The following ZNF518B variants were observed in gnomAD, a reference collection of about 807,000 sequenced individuals.
ZNF518B encodes the protein zinc finger protein 518B.
A neutral mutation model predicts 56.3 loss-of-function variants in ZNF518B; 23 were observed. The observed-to-expected ratio is 0.41, with a 90% CI of 0.29 to 0.58. ZNF518B has a LOEUF of 0.58. Ranked by LOEUF, ZNF518B falls within the 20% of genes least tolerant of loss-of-function variation. ZNF518B has a pLI of 0.32. For synonymous variants in ZNF518B, 529 were observed against 465.9 expected (o/e 1.14, Z -1.74); for missense variants, 1,460 against 1,272.1 (o/e 1.15, Z -2.25).
Position 10,440,454 on chromosome 4 carries a change from C to T in ZNF518B, c.*2650G>A, listed in dbSNP as rs1209169807. The T allele has an allele frequency of 1.3e-5, 2 of 152,472 alleles. No homozygotes were observed. The highest frequency in any genetic ancestry group is 4.8e-5 in the African/African-American group (2 of 41,396). 9.4% of individuals were successfully genotyped at this position (152,472 alleles called of 1,614,324 possible). A position where few individuals can be genotyped will look rare whatever the true frequency, so the allele number is the denominator to read the frequency against. The stretch of plus-strand genomic sequence containing the variant: ...ATTGGAGGTCCTTCAAAATTAAGAA[C>T]CCACACAAATACTCAACACAGGTCT... On this transcript the variant is annotated 3_prime_UTR_variant, in exon 3 of 3. Coordinates refer to ENST00000326756, the MANE Select transcript of ZNF518B (RefSeq NM_053042.3).
Position 10,444,139 on chromosome 4 carries a change from A to G in ZNF518B, c.2190T>C (p.Asp730=). The part of the protein sequence containing the change: ...STGTLQKPPN[D]GGITGNRQLT... ...GCTGTCTATTACCAGTAATACCACCATCATTCGGAGGTTTCTGAAGAGTAC... is the reference window on the plus strand; with the variant it reads ...GCTGTCTATTACCAGTAATACCACCGTCATTCGGAGGTTTCTGAAGAGTAC... The change falls in exon 3 of 3, where the codon GAT becomes GAC. Residue 730 remains aspartate, a synonymous_variant. Coordinates refer to ENST00000326756, the MANE Select transcript of ZNF518B (RefSeq NM_053042.3). The G allele has an allele frequency of 1.2e-6, 2 of 1,614,232 alleles. No homozygotes were observed. The highest frequency in any genetic ancestry group is 1.7e-6 in the Non-Finnish European group (2 of 1,180,050).
upstream of ZNF518B, among the ~76,000 whole-genome samples, chr4:10,458,429 G>A (rs1715637640): frequency 6.6e-6 from 1 of 152,228 alleles, no homozygotes; most frequent in African/African-American, 2.4e-5. Context: ...TATGCTGCAC[G>A]GAGGAGATGT....
chr4:10,444,879 G>A lies in ZNF518B; in HGVS notation c.1450C>T (p.His484Tyr). The A allele has an allele frequency of 6.2e-7, 1 of 1,613,498 alleles. No individual in the cohort carries two copies. Among genetic ancestry groups the A allele is most frequent in the South Asian group, 1.1e-5 (1 of 90,990 alleles). ...TTTTTAAATACAGATGCTAGAGAAT[G>A]ACCTTTTAAGGCAACGGAAGGAAAA... ...TAFPSVALKG[H>Y]SLASVFKNSV... The change falls in exon 3 of 3, where the codon CAT becomes TAT. Residue 484 changes from histidine (H) to tyrosine (Y), a missense_variant. Coordinates refer to ENST00000326756, the MANE Select transcript of ZNF518B (RefSeq NM_053042.3).
chr4:10,444,026 G>A lies in ZNF518B; in HGVS notation c.2303C>T (p.Thr768Met), dbSNP rs770340215. Residue 768 changes from threonine (T) to methionine (M), a missense_variant, in exon 3 of 3, where the codon ACG becomes ATG. Coordinates refer to ENST00000326756, the MANE Select transcript of ZNF518B (RefSeq NM_053042.3). ...SRVARKAHVA[T>M]PVLIPKGAVL... ...AGCCCCTTTGGGGATTAACACTGGCGTGGCAACATGAGCCTTCCTGGCCAC... is the reference window on the plus strand; with the variant it reads ...AGCCCCTTTGGGGATTAACACTGGCATGGCAACATGAGCCTTCCTGGCCAC... The A allele has an allele frequency of 3.1e-5, 50 of 1,614,044 alleles. No homozygotes were observed. The highest frequency in any genetic ancestry group is 3.9e-5 in the Non-Finnish European group (46 of 1,180,042).
Position 10,445,710 on chromosome 4 carries a change from T to A in ZNF518B, c.619A>T (p.Lys207Ter), listed in dbSNP as rs1195544112. The A allele has an allele frequency of 6.2e-7, 1 of 1,614,184 alleles. No homozygotes were observed. Among genetic ancestry groups the A allele is most frequent in the South Asian group, 1.1e-5 (1 of 91,080 alleles). The change falls in exon 3 of 3, where the codon AAA becomes TAA. Residue 207 changes from lysine to a stop codon, truncating the protein, a stop_gained. Coordinates refer to ENST00000326756, the MANE Select transcript of ZNF518B (RefSeq NM_053042.3). LOFTEE classifies it high-confidence loss of function. The stretch of plus-strand genomic sequence containing the variant: ...CTTTCATGTACTCTCTTCGTGTGTT[T>A]GACAATATAATCATTTCTAATAGCA... ...YGAIRNDYIVKHTKRVHERAG... is the reference protein window; with the variant it reads ...YGAIRNDYIV
At chr4:10,459,424 C>T (rs1560177900), upstream of ZNF518B, among the ~76,000 whole-genome samples, 1 of 152,210 alleles carries the variant, frequency 6.6e-6, no homozygotes, top group Middle Eastern at 3.2e-3. Flanking sequence ...TCTCCACCCC[C>T]CAGCTTAGTT....
intron 2 of ZNF518B, chr4:10,452,890 T>C (rs1715380347): frequency 6.6e-6 from 1 of 152,216 alleles, no homozygotes; most frequent in African/African-American, 2.4e-5. Flanking sequence ...ATGCTTGGGA[T>C]CCTAGATTTC....
upstream of ZNF518B, among the ~76,000 whole-genome samples, chr4:10,460,881 A>G (rs79526919): frequency 0.018 from 2,776 of 152,358 alleles, 51 homozygotes; most frequent in East Asian, 0.084. Context: ...TGTCAATCTC[A>G]GACACTTCAA....
chr4:10,448,575 A>T (rs1304899703), intron 2 of ZNF518B, among the ~76,000 whole-genome samples: 1 of 152,090 alleles, frequency 6.6e-6, no homozygotes, highest in Non-Finnish European at 1.5e-5. Context: ...GCATGAAATC[A>T]AGCCCTCAGT....
chr4:10,455,430 C>T (rs2108997821), intron 1 of ZNF518B, among the ~76,000 whole-genome samples: 1 of 152,160 alleles, frequency 6.6e-6, no homozygotes, highest in South Asian at 2.1e-4. Flanking sequence ...TGATCAATAG[C>T]GAAGGGTTTG....
rs1270624529 is a variant in ZNF518B at position 10,445,273 on chromosome 4, A to G, written c.1056T>C (p.Val352=). ...GAACAAGCTGCTGTGTACCATTGAC[A>G]ACCTTCACATCTATCAACTGGGCTA... ...NCLAQLIDVK[V]VNGTQQLVLK... Residue 352 remains valine (V), a synonymous_variant, in exon 3 of 3, where the codon GTT becomes GTC. Coordinates refer to ENST00000326756, the MANE Select transcript of ZNF518B (RefSeq NM_053042.3). 1 of 1,614,084 alleles carries G rather than the reference A, an allele frequency of 6.2e-7. No individual in the cohort carries two copies. The highest frequency in any genetic ancestry group is 1.3e-5 in the African/African-American group (1 of 75,056).
At chr4:10,449,041 C>G (rs905394177) in intron 2 of ZNF518B, among the ~76,000 whole-genome samples, 2 of 152,184 alleles carry the variant, frequency 1.3e-5, no homozygotes, top group Non-Finnish European at 2.9e-5. Flanking sequence ...ACTTTATCAT[C>G]TAAAGAATGC....
At position 10,445,950 on chromosome 4, in the gene ZNF518B, C is replaced by T; in HGVS notation, c.379G>A (p.Val127Ile). The T allele has an allele frequency of 6.2e-7, 1 of 1,614,164 alleles. No homozygotes were observed. The highest frequency in any genetic ancestry group is 8.5e-7 in the Non-Finnish European group (1 of 1,180,036). The change falls in exon 3 of 3, where the codon GTA becomes ATA. Residue 127 changes from valine to isoleucine, a missense_variant. Val to Ile is a conservative substitution (Grantham distance 29, BLOSUM62 3). Transcript: ENST00000326756. ...TATTTGCCTGGCTTAAAGTTCCTTA[C>T]CTTAAATTTGCTATTGACAGAACTT... is the stretch of plus-strand genomic sequence containing the variant. ...FSSSVNSKFKVRNFKPGKYYC... is the reference protein window; with the variant it reads ...FSSSVNSKFKIRNFKPGKYYC...
In ZNF518B at chr4:10,442,878, T is replaced by C. The variant is rs1275075503; in HGVS notation, c.*226A>G. ...GTTTCACAGGCTCTCTCCAGAAAAA[T>C]GCATATGTACCAATTTGCATGTACA... On this transcript the variant is annotated 3_prime_UTR_variant, in exon 3 of 3. Coordinates refer to ENST00000326756, the MANE Select transcript of ZNF518B (RefSeq NM_053042.3). 1.0e-5 allele frequency: 5 copies of C among 488,198 alleles called. No individual in the cohort carries two copies. The highest frequency in any genetic ancestry group is 7.7e-5 in the African/African-American group (4 of 52,138). 30.2% of individuals were successfully genotyped at this position (488,198 alleles called of 1,614,324 possible).
upstream of ZNF518B, chr4:10,457,429 G>GCCAGCC: frequency 6.6e-6 from 1 of 152,076 alleles, no homozygotes; most frequent in African/African-American, 2.4e-5. Context: ...CGGAGCCCGC[G>GCCAGCC]CCAGCCCCGC....
chr4:10,444,430 G>A lies in ZNF518B; in HGVS notation c.1899C>T (p.Ile633=). 6.2e-7 allele frequency: 1 copy of A among 1,614,200 alleles called. No homozygotes were observed. The highest frequency in any genetic ancestry group is 1.7e-5 in the Admixed American group (1 of 60,032). The change falls in exon 3 of 3, where the codon ATC becomes ATT. Residue 633 remains isoleucine (I), a synonymous_variant. Coordinates refer to ENST00000326756, the MANE Select transcript of ZNF518B (RefSeq NM_053042.3). ...CAGAGCTCAGAGAAAATACTGATGAGATGACTGGGCCATCATTAGTGTTGT... is the reference window on the plus strand; with the variant it reads ...CAGAGCTCAGAGAAAATACTGATGAAATGACTGGGCCATCATTAGTGTTGT... ...RTNNTNDGPV[I]SSVFSLSSGS... is the part of the protein sequence containing the mutation.
upstream of ZNF518B, among the ~76,000 whole-genome samples, chr4:10,458,344 C>T (rs145616290): frequency 8.2e-3 from 1,235 of 150,822 alleles, 14 homozygotes; most frequent in African/African-American, 0.029. Context: ...GCTCTGGAGG[C>T]GGGGGCGGGG....
chr4:10,443,699 C>T lies in ZNF518B; in HGVS notation c.2630G>A (p.Gly877Glu), dbSNP rs764810655. 4 of 1,614,038 alleles carry T rather than the reference C, an allele frequency of 2.5e-6. No individual in the cohort carries two copies. The South Asian group carries it at 4.4e-5, about 18-fold the overall frequency. Residue 877 changes from glycine (G) to glutamate (E), a missense_variant, in exon 3 of 3, where the codon GGG (glycine) becomes GAG (glutamate). Transcript: ENST00000326756. ...AGAAAGACTTCTGGAAAGCAGTCTC[C>T]CTTGCTTATTTAATTCACTGCTTCC... ...QQGSSELNKQ[G>E]RLLSRSLSIS...
At chr4:10,459,588 G>A (rs1237502304), upstream of ZNF518B, among the ~76,000 whole-genome samples, 2 of 152,150 alleles carry the variant, frequency 1.3e-5, no homozygotes, top group Non-Finnish European at 1.5e-5. Context: ...ATTAGGGTGG[G>A]CCCTTATCCA....
Sources: gnomAD v4.1 joint callset for allele counts (sites outside exome capture counted in the v4.1 genomes callset) on GRCh38, gnomAD v4.1.1 for gene constraint, MANE v1.5 for transcripts, NCBI Gene and HGNC (gene_info 2026-07-23, HGNC 2026-07-21) for gene names.